DOCK10: variants seen among roughly 807,000 people sequenced by gnomAD.
The protein encoded by DOCK10 is dedicator of cytokinesis protein 10.
Under a neutral mutation model 280.1 loss-of-function variants are expected in DOCK10, and 145 were observed. That is an observed-to-expected ratio of 0.52 (90% CI 0.45 to 0.59). The LOEUF is 0.59. Ranked by LOEUF, DOCK10 falls within the 20% of genes least tolerant of loss-of-function variation. DOCK10 has a pLI of 0.00. For missense variants in DOCK10, 2,368 were observed against 2,651.7 expected (o/e 0.89, Z 2.35); for synonymous variants, 915 against 942.2 (o/e 0.97, Z 0.53).
At chr2:224,903,089 C>T (rs901959419) in intron 3 of DOCK10, among the ~76,000 whole-genome samples, 49 of 152,196 alleles carry the variant, frequency 3.2e-4, no homozygotes, top group African/African-American at 1.2e-3. Context: ...CAGAGCGAGA[C>T]TCCGTCTCAA....
chr2:225,036,335 A>T (rs1690259995), intron 1 of DOCK10, among the ~76,000 whole-genome samples: 1 of 152,182 alleles, frequency 6.6e-6, no homozygotes. Context: ...ACTAAATCCC[A>T]TTTTCGTTTC....
intron 7 of DOCK10, among the ~76,000 whole-genome samples, chr2:224,879,349 C>T (rs1366471993): frequency 6.6e-6 from 1 of 152,188 alleles, no homozygotes; most frequent in Non-Finnish European, 1.5e-5. Flanking sequence ...CACCTGCGAC[C>T]TTCACTGATG....
intron 2 of DOCK10, among the ~76,000 whole-genome samples, chr2:224,929,039 C>T (rs1279421437): frequency 6.6e-6 from 1 of 152,214 alleles, no homozygotes; most frequent in Non-Finnish European, 1.5e-5. Flanking sequence ...GCTGATCCTT[C>T]TTGAGAACTC....
At chr2:224,803,902 C>G (rs1392019207) in intron 39 of DOCK10, among the ~76,000 whole-genome samples, 1 of 151,934 alleles carries the variant, frequency 6.6e-6, no homozygotes, top group African/African-American at 2.4e-5. Flanking sequence ...TGGTCTCTAC[C>G]AGCTAGTAGG....
At chr2:224,980,790 A>G (rs1396069308) in intron 1 of DOCK10, among the ~76,000 whole-genome samples, 1 of 152,180 alleles carries the variant, frequency 6.6e-6, no homozygotes, top group Non-Finnish European at 1.5e-5. Context: ...TAATGTTAAG[A>G]TATTCAACCT....
chr2:224,809,178 A>G (rs1693603310), intron 31 of DOCK10, among the ~76,000 whole-genome samples: 1 of 152,200 alleles, frequency 6.6e-6, no homozygotes. Context: ...TCCAGTAATA[A>G]TGGATTTATT....
At chr2:224,919,638 TGA>T (rs1701576478) in intron 2 of DOCK10, among the ~76,000 whole-genome samples, 1 of 148,696 alleles carries the variant, frequency 6.7e-6, no homozygotes, top group Non-Finnish European at 1.5e-5. Flanking sequence ...ATGTGTGTGG[TGA>T]GTGTTGTGTG....
chr2:224,995,302 A>C (rs374587093), intron 1 of DOCK10, among the ~76,000 whole-genome samples: 3 of 152,366 alleles, frequency 2.0e-5, no homozygotes, highest in East Asian at 3.9e-4. Flanking sequence ...ACAGGGCATG[A>C]GTATCAAGAG....
intron 3 of DOCK10, among the ~76,000 whole-genome samples, chr2:224,904,373 C>T: frequency 1.3e-5 from 2 of 152,166 alleles, no homozygotes; most frequent in South Asian, 4.1e-4. Flanking sequence ...AACATACATA[C>T]AAATATTTTT....
Position 224,837,801 on chromosome 2 carries a change from A to C in DOCK10, c.2811T>G (p.His937Gln). The change falls in exon 25 of 56, where the codon CAT (histidine) becomes CAG (glutamine). Residue 937 changes from histidine to glutamine, a missense_variant. By Grantham distance (24) the His-to-Gln change is conservative. Coordinates refer to ENST00000258390, the MANE Select transcript of DOCK10 (RefSeq NM_014689.3). Reference protein sequence around the residue: ...RVLTDIVAKCHEEQLDHSVQS... With the variant: ...RVLTDIVAKCQEEQLDHSVQS... ...GGACAGAATGATCCAGCTGCTCCTCATGGCACTTGGCCACAATGTCGGTCA... is the reference window on the plus strand; with the variant it reads ...GGACAGAATGATCCAGCTGCTCCTCCTGGCACTTGGCCACAATGTCGGTCA... 6.2e-7 allele frequency: 1 copy of C among 1,613,974 alleles called. No individual in the cohort carries two copies. Among genetic ancestry groups the C allele is most frequent in the Non-Finnish European group, 8.5e-7 (1 of 1,179,886 alleles).
At chr2:225,037,179 C>T (rs1690284246) in intron 1 of DOCK10, among the ~76,000 whole-genome samples, 1 of 152,148 alleles carries the variant, frequency 6.6e-6, no homozygotes, top group South Asian at 2.1e-4. Context: ...ACCTCATGCT[C>T]TTTCACAATT....
chr2:224,929,069 G>A (rs1213504771), intron 2 of DOCK10, among the ~76,000 whole-genome samples: 2 of 152,064 alleles, frequency 1.3e-5, no homozygotes, highest in African/African-American at 2.4e-5. Flanking sequence ...CTTAAATGTC[G>A]CCTTCTTAGA....
chr2:224,786,915 C>T lies in DOCK10; in HGVS notation c.5655+107G>A, dbSNP rs1691769884. 7.4e-6 allele frequency: 6 copies of T among 815,662 alleles called. No homozygotes were observed. The highest frequency in any genetic ancestry group is 3.3e-4 in the Middle Eastern group (1 of 3,058). 50.5% of individuals were successfully genotyped at this position (815,662 alleles called of 1,614,324 possible). A position where few individuals can be genotyped will look rare whatever the true frequency, so the allele number is the denominator to read the frequency against. ...AACACTCAAGTATAGTCAGACACAC[C>T]CACACCTCTCCATTCACTGGTACAC... is the stretch of plus-strand genomic sequence containing the variant. On this transcript the variant is annotated intron_variant, in intron 50 of 55. Transcript: ENST00000258390. This position sits in a 1 kb window ranked among gnomAD's most constrained non-coding sequence, Gnocchi z 4.7.
At chr2:224,921,749 T>A (rs1701764579) in intron 2 of DOCK10, among the ~76,000 whole-genome samples, 1 of 152,192 alleles carries the variant, frequency 6.6e-6, no homozygotes, top group Non-Finnish European at 1.5e-5. Context: ...TGTATGCCCA[T>A]AACGTGCTAT....
intron 29 of DOCK10, among the ~76,000 whole-genome samples, chr2:224,818,078 TG>T (rs957123267): frequency 1.3e-5 from 2 of 152,090 alleles, no homozygotes; most frequent in African/African-American, 2.4e-5. Context: ...GAAGCAGTGT[TG>T]GGGGGAGAAA....
intron 1 of DOCK10, among the ~76,000 whole-genome samples, chr2:225,031,693 T>G (rs997512612): frequency 6.6e-6 from 1 of 152,180 alleles, no homozygotes; most frequent in Non-Finnish European, 1.5e-5. Flanking sequence ...CTCATGTGGG[T>G]GCTGACACGG....
chr2:224,876,146 C>G lies in DOCK10; in HGVS notation c.823G>C (p.Glu275Gln), dbSNP rs764784626. Residue 275 changes from glutamate (E) to glutamine (Q), a missense_variant, in exon 8 of 56, where the codon GAG becomes CAG. Around this residue, in one of 2 missense-constraint regions of DOCK10, gnomAD observed 1,209 missense variants for 1,250.9 expected, o/e 0.97. Coordinates refer to ENST00000258390, the MANE Select transcript of DOCK10 (RefSeq NM_014689.3). The stretch of plus-strand genomic sequence containing the variant: ...TGGATCCATTCATCCATATCTGACT[C>G]TGTTTCAGCTGCCAGCACAAAATAG... ...LTYFVLAAET[E>Q]SDMDEWIHTL... 1 of 1,613,870 alleles carries G rather than the reference C, an allele frequency of 6.2e-7. No individual in the cohort carries two copies. Among genetic ancestry groups the G allele is most frequent in the South Asian group, 1.1e-5 (1 of 91,060 alleles).
chr2:224,866,102 G>A (rs186233792), intron 11 of DOCK10, among the ~76,000 whole-genome samples: 2 of 152,206 alleles, frequency 1.3e-5, no homozygotes, highest in East Asian at 3.9e-4. Context: ...TGCCCCTTTC[G>A]ATGCTGCCAG....
Position 224,834,291 on chromosome 2 carries a change from G to A in DOCK10, c.2851-28C>T, listed in dbSNP as rs770570005. On this transcript the variant is annotated intron_variant, in intron 25 of 55. Transcript: ENST00000258390. ...GAAGAAAATCCAAAAAGTGAATAAA[G>A]TTAAATACTTTGAAAAATGAAGCTT... is the stretch of plus-strand genomic sequence containing the variant. The A allele has an allele frequency of 2.4e-6, 3 of 1,255,574 alleles. No individual in the cohort carries two copies. In the East Asian group the frequency reaches 6.9e-5, roughly 29 times the overall value. The allele number at this position is 1,255,574 out of a possible 1,614,324, so 77.8% of individuals were successfully genotyped here.
Sources: allele counts gnomAD v4.1 joint callset (sites outside exome capture counted in the v4.1 genomes callset), GRCh38; gene constraint gnomAD v4.1.1; regional missense constraint gnomAD v4.1.1; non-coding constraint Gnocchi (gnomAD v3.1); transcripts MANE v1.5; gene names NCBI Gene and HGNC (gene_info 2026-07-23, HGNC 2026-07-21).